The following DAB2 variants were observed in gnomAD, a reference collection of about 807,000 sequenced individuals.
DAB2 encodes DAB adaptor protein 2.
In DAB2, 28 loss-of-function variants were observed where a neutral mutation model predicts 71.6. The ratio of observed to expected loss-of-function variants is 0.39; its 90% CI spans 0.29 to 0.54. The LOEUF (loss-of-function observed/expected upper bound fraction) is 0.54. Ranked by LOEUF, DAB2 falls within the 20% of genes least tolerant of loss-of-function variation. The pLI is 0.68. For synonymous variants in DAB2, 345 were observed against 339.7 expected (o/e 1.02, Z -0.17); for missense variants, 867 against 928.8 (o/e 0.93, Z 0.86).
At position 39,422,406 on chromosome 5, in the gene DAB2, C is replaced by T. The variant is rs1007546790; in HGVS notation, c.-102+2398G>A. On this transcript the variant is annotated intron_variant, in intron 1 of 14. Coordinates refer to ENST00000320816, the MANE Select transcript of DAB2 (RefSeq NM_001343.4). This position sits in a 1 kb window ranked among gnomAD's most constrained non-coding sequence, Gnocchi z 4.1. ...GAGGGCTCACTCTCAGCAGCTTTCC[C>T]AAGCATTTCAGCATCTTGGCTTTGT... 1.3e-5 allele frequency among the ~76,000 whole-genome samples: 2 copies of T among 152,180 alleles called. No homozygotes were observed. The highest frequency in any genetic ancestry group is 4.8e-5 in the African/African-American group (2 of 41,446).
At chr5:39,388,029 C>T in intron 9 of DAB2, 1 of 317,320 alleles carries the variant, frequency 3.2e-6, no homozygotes, top group South Asian at 5.7e-5. Context: ...TTATTCACCT[C>T]CTCCTTCTAA....
intron 13 of DAB2, 128 bp downstream of exon 13, chr5:39,375,867 CAG>C (rs1186373687): frequency 1.4e-6 from 1 of 724,762 alleles, no homozygotes; most frequent in Non-Finnish European, 2.3e-6. Flanking sequence ...GCCTGGCCGA[CAG>C]AGCAAGACTC....
Position 39,373,108 on chromosome 5 carries a change from G to A in DAB2, c.*323C>T, listed in dbSNP as rs1372454293. On this transcript the variant is annotated 3_prime_UTR_variant, in exon 15 of 15. Coordinates refer to ENST00000320816, the MANE Select transcript of DAB2 (RefSeq NM_001343.4). ...TGGTGGCTGCATCTCCCAACCAGAG[G>A]GTAGAAGGCAGGTGTTCTAGAAGGT... 4.6e-5 allele frequency: 7 copies of A among 152,078 alleles called. No homozygotes were observed. Among genetic ancestry groups the A allele is most frequent in the Non-Finnish European group, 7.3e-5 (5 of 68,040 alleles). The allele number at this position is 152,078 out of a possible 1,614,324, so 9.4% of individuals were successfully genotyped here. A position where few individuals can be genotyped will look rare whatever the true frequency, so the allele number is the denominator to read the frequency against.
chr5:39,399,313 A>AT (rs1755445536), intron 1 of DAB2, among the ~76,000 whole-genome samples: 1 of 152,226 alleles, frequency 6.6e-6, no homozygotes, highest in Non-Finnish European at 1.5e-5. Context: ...TCAAAAACAT[A>AT]TAAAAAGGCT....
intron 11 of DAB2, among the ~76,000 whole-genome samples, chr5:39,378,697 A>G (rs775478013): frequency 3.3e-5 from 5 of 152,194 alleles, no homozygotes; most frequent in Non-Finnish European, 5.9e-5. Context: ...GGGTGCAAGA[A>G]TATTCATTAA....
chr5:39,413,752 C>A (rs961477963), intron 1 of DAB2, among the ~76,000 whole-genome samples: 1 of 152,194 alleles, frequency 6.6e-6, no homozygotes, highest in East Asian at 1.9e-4. Context: ...GATATTGGGG[C>A]GATGCGCTTT....
chr5:39,394,736 C>T (rs368735849), intron 1 of DAB2, among the ~76,000 whole-genome samples: 8 of 137,318 alleles, frequency 5.8e-5, no homozygotes, highest in African/African-American at 7.9e-5. Context: ...AGATAGGGAT[C>T]GAAAACTTGC....
chr5:39,393,500 A>C (rs1755284214), intron 2 of DAB2, 107 bp from the exon 3 acceptor site: 2 of 1,127,208 alleles, frequency 1.8e-6, no homozygotes, highest in Non-Finnish European at 2.6e-6. Flanking sequence ...TTATACTACA[A>C]CTGATCATGT....
chr5:39,416,316 G>A (rs1344686445), intron 1 of DAB2, among the ~76,000 whole-genome samples: 2 of 152,072 alleles, frequency 1.3e-5, no homozygotes, highest in Middle Eastern at 3.2e-3. Flanking sequence ...TTTCTCCAAA[G>A]GGCTTCAGTG....
chr5:39,408,964 C>T (rs549040624), intron 1 of DAB2: 4 of 152,116 alleles, frequency 2.6e-5, no homozygotes, highest in South Asian at 4.2e-4. Flanking sequence ...GGATAAGAAA[C>T]CCCTGGGTAA....
At chr5:39,394,887 C>A (rs2255280) in intron 1 of DAB2, among the ~76,000 whole-genome samples, 148,574 of 152,306 alleles carry the variant, frequency 0.98, 72,867 homozygotes, top group Non-Finnish European at 1. Flanking sequence ...AGAGTTATGA[C>A]CTGTATCTTA....
rs1266589903 is a variant in DAB2, at chr5:39,383,130, C to T, written c.829G>A (p.Glu277Lys). Reference protein sequence around the residue: ...RPTPQASFLPENAFSANLNFF... With the variant: ...RPTPQASFLPKNAFSANLNFF... ...TTGAGATTGGCAGAAAAGGCATTTT[C>T]AGGCAAGAAGGATGCCTGAGGCGTT... The change falls in exon 10 of 15, where the codon GAA becomes AAA. Residue 277 changes from glutamate (E) to lysine (K), a missense_variant. Physicochemically the swap from Glu to Lys is moderately conservative, Grantham distance 56. This residue lies in a region of DAB2 where 740 missense variants were observed against 734.3 expected (regional missense o/e 1.01). Coordinates refer to ENST00000320816, the MANE Select transcript of DAB2 (RefSeq NM_001343.4). 2 of 1,614,098 alleles carry T rather than the reference C, an allele frequency of 1.2e-6. No individual in the cohort carries two copies. The highest frequency in any genetic ancestry group is 1.1e-5 in the South Asian group (1 of 91,072).
At chr5:39,420,524 C>T (rs1264655739) in intron 1 of DAB2, among the ~76,000 whole-genome samples, 1 of 152,182 alleles carries the variant, frequency 6.6e-6, no homozygotes, top group East Asian at 1.9e-4. Flanking sequence ...GCCCCATTCA[C>T]TTAGAATTTT....
intron 1 of DAB2, among the ~76,000 whole-genome samples, chr5:39,421,902 C>CT (rs1755994771): frequency 7.1e-6 from 1 of 140,148 alleles, no homozygotes; most frequent in South Asian, 2.3e-4. Flanking sequence ...ACTACTACTA[C>CT]AAAAAAAAAA....
chr5:39,397,027 C>T lies in DAB2; in HGVS notation c.-101-2606G>A, dbSNP rs11956471. Among the ~76,000 whole-genome samples, 876 of 152,282 alleles carry T rather than the reference C, an allele frequency of 5.8e-3. 9 individuals are homozygous for T. Among genetic ancestry groups the T allele is most frequent in the African/African-American group, 0.02 (840 of 41,554 alleles). ...GCATGTTGGCTCTGCCAGTAAGGTG[C>T]GCTGGAGGGAAACTGCCAAGCTGGT... On this transcript the variant is annotated intron_variant, in intron 1 of 14. Transcript: ENST00000320816.
chr5:39,396,108 C>T (rs1305171874), intron 1 of DAB2, among the ~76,000 whole-genome samples: 4 of 151,692 alleles, frequency 2.6e-5, no homozygotes, highest in Admixed American at 1.3e-4. Context: ...GGCACTACGC[C>T]CGGCTAAGTT....
intron 1 of DAB2, among the ~76,000 whole-genome samples, chr5:39,395,937 C>CTATTTTTTTTTTTTT (rs1755356244): frequency 1.3e-5 from 1 of 74,858 alleles, no homozygotes; most frequent in Non-Finnish European, 2.3e-5. Flanking sequence ...CACAGATATT[C>CTATTTTTTTTTTTTT]TTTTTTTTTT....
intron 1 of DAB2, among the ~76,000 whole-genome samples, chr5:39,410,170 C>T (rs930154532): frequency 6.6e-6 from 1 of 152,010 alleles, no homozygotes; most frequent in Non-Finnish European, 1.5e-5. Flanking sequence ...AACAAGATAT[C>T]CTAGAAAAGC....
At chr5:39,384,321 G>A (rs1329755007) in intron 9 of DAB2, among the ~76,000 whole-genome samples, 1 of 152,088 alleles carries the variant, frequency 6.6e-6, no homozygotes, top group Non-Finnish European at 1.5e-5. Flanking sequence ...TATCAATTAG[G>A]CACAATAAGA....
Sources: allele counts gnomAD v4.1 joint callset (sites outside exome capture counted in the v4.1 genomes callset), GRCh38; gene constraint gnomAD v4.1.1; regional missense constraint gnomAD v4.1.1; non-coding constraint Gnocchi (gnomAD v3.1); transcripts MANE v1.5; gene names NCBI Gene and HGNC (gene_info 2026-07-23, HGNC 2026-07-21).